TOLLIP: variants seen among roughly 807,000 people sequenced by gnomAD.
TOLLIP encodes toll interacting protein, also known as toll-interacting protein.
Under a neutral mutation model 33.5 loss-of-function variants are expected in TOLLIP, and 16 were observed. The observed-to-expected ratio is 0.48, with a 90% CI of 0.32 to 0.72. The LOEUF (loss-of-function observed/expected upper bound fraction) is 0.72, where lower values mean the gene tolerates loss of function less well. Ranked by LOEUF, TOLLIP falls within the 30% of genes least tolerant of loss-of-function variation. The probability of loss-of-function intolerance (pLI) is 0.03; values close to 1 mark genes in which losing one functional copy is unlikely to be tolerated. For synonymous variants in TOLLIP, 176 were observed against 163.7 expected, an observed-to-expected ratio of 1.07 and a Z score of -0.57; for missense variants, 325 against 396.6, an observed-to-expected ratio of 0.82 and a Z score of 1.53.
At chr11:1,286,236 C>T (rs1319166319) in intron 4 of TOLLIP, 144 bp from the exon 5 acceptor site, 7 of 645,692 alleles carry the variant, frequency 1.1e-5, no homozygotes, top group South Asian at 3.7e-5. Flanking sequence ...CCTCGCTACA[C>T]GAGCCCTGAG....
chr11:1,286,016 T>C lies in TOLLIP; in HGVS notation c.596A>G (p.Tyr199Cys), dbSNP rs757186826. Reference sequence around the variant, plus strand: ...AGCACACGCACCTGTGATGGGCACATAGCCAACGCCCTGCTGGTACACTGT... The same window carrying C: ...AGCACACGCACCTGTGATGGGCACACAGCCAACGCCCTGCTGGTACACTGT... The part of the protein sequence containing the change: ...MPTVYQQGVG[Y>C]VPITGMPAVC... The change falls in exon 5 of 6, where the codon TAT (tyrosine) becomes TGT (cysteine). Residue 199 changes from tyrosine (Y) to cysteine (C), a missense_variant. Tyr to Cys is a radical substitution (Grantham distance 194). Transcript: ENST00000317204. 12 of 1,594,596 alleles carry C rather than the reference T, an allele frequency of 7.5e-6. No homozygotes were observed. The highest frequency in any genetic ancestry group is 1.3e-5 in the African/African-American group (1 of 74,954).
At chr11:1,295,850 C>G in intron 1 of TOLLIP, 56 bp from the exon 2 acceptor site, 2 of 1,495,804 alleles carry the variant, frequency 1.3e-6, no homozygotes, top group South Asian at 2.6e-5. Flanking sequence ...ACAAAGCAGC[C>G]CGACAGCAGC....
In TOLLIP at chr11:1,303,794, G is replaced by A. The variant is rs1407807633; in HGVS notation, c.33+5672C>T. Among the ~76,000 whole-genome samples, 1 of 152,240 alleles carries A rather than the reference G, an allele frequency of 6.6e-6. No homozygotes were observed. The highest frequency in any genetic ancestry group is 1.9e-4 in the East Asian group (1 of 5,196). On this transcript the variant is annotated intron_variant, in intron 1 of 5. Transcript: ENST00000317204. The surrounding 1 kb of genome is among the most constrained non-coding windows in gnomAD (Gnocchi z 4.2). ...CTCACGCCTGTAATCCCAAAACTTTGGGAGGCTGAGGTGGGCGGATCACTT... is the reference window on the plus strand; with the variant it reads ...CTCACGCCTGTAATCCCAAAACTTTAGGAGGCTGAGGTGGGCGGATCACTT...
Position 1,303,495 on chromosome 11 carries a change from C to T in TOLLIP, c.33+5971G>A, listed in dbSNP as rs1345425036. Among the ~76,000 whole-genome samples the T allele has an allele frequency of 6.6e-6, 1 of 152,240 alleles. No homozygotes were observed. Among genetic ancestry groups the T allele is most frequent in the East Asian group, 1.9e-4 (1 of 5,192 alleles). ...TTACACGTGAGTGGAAGAAGACAAA[C>T]GGGAAGCATCATGAGTTATGCTGTA... is the stretch of plus-strand genomic sequence containing the variant. On this transcript the variant is annotated intron_variant, in intron 1 of 5. Transcript: ENST00000317204. This position sits in a 1 kb window ranked among gnomAD's most constrained non-coding sequence, Gnocchi z 4.2.
In TOLLIP at chr11:1,303,564, G is replaced by A. The variant is rs973133097; in HGVS notation, c.33+5902C>T. 4.6e-5 allele frequency among the ~76,000 whole-genome samples: 7 copies of A among 152,230 alleles called. No individual in the cohort carries two copies. The highest frequency in any genetic ancestry group is 1.4e-4 in the African/African-American group (6 of 41,466). ...CTGTGCAAAGAAACAGGGCAAGGCC[G>A]GGTGGCAGGGGCACGCTGCACTTCC... On this transcript the variant is annotated intron_variant, in intron 1 of 5. Coordinates refer to ENST00000317204, the MANE Select transcript of TOLLIP (RefSeq NM_019009.4). This position sits in a 1 kb window ranked among gnomAD's most constrained non-coding sequence, Gnocchi z 4.2.
chr11:1,282,058 C>A (rs1336551831), intron 5 of TOLLIP, among the ~76,000 whole-genome samples: 1 of 152,232 alleles, frequency 6.6e-6, no homozygotes, highest in Non-Finnish European at 1.5e-5. Context: ...CTCTACAGTA[C>A]TGCTAGGATA....
intron 4 of TOLLIP, among the ~76,000 whole-genome samples, chr11:1,286,987 T>C (rs1407873660): frequency 6.6e-6 from 1 of 151,966 alleles, no homozygotes; most frequent in Non-Finnish European, 1.5e-5. Flanking sequence ...TGCACCGCGG[T>C]TGTCTCTGAG....
At chr11:1,283,806 C>A (rs1863585585) in intron 5 of TOLLIP, among the ~76,000 whole-genome samples, 2 of 152,210 alleles carry the variant, frequency 1.3e-5, no homozygotes. Context: ...AAAAGACAGC[C>A]ACAGAGCGCC....
chr11:1,309,333 C>T lies in TOLLIP; in HGVS notation c.33+133G>A, dbSNP rs1047058597. 13 of 446,148 alleles carry T rather than the reference C, an allele frequency of 2.9e-5. No homozygotes were observed. The Admixed American group carries it at 3.0e-4, about 10-fold the overall frequency. 27.6% of individuals were successfully genotyped at this position (446,148 alleles called of 1,614,324 possible). A position where few individuals can be genotyped will look rare whatever the true frequency, so the allele number is the denominator to read the frequency against. On this transcript the variant is annotated intron_variant, in intron 1 of 5. Coordinates refer to ENST00000317204, the MANE Select transcript of TOLLIP (RefSeq NM_019009.4). ...GACGCCGCCGCTCCCCTCCGGCCGG[C>T]CAGGCGCCCCGCGTGCCCCGGGAGA...
chr11:1,292,911 A>G (rs1863996592), intron 2 of TOLLIP, among the ~76,000 whole-genome samples: 2 of 152,192 alleles, frequency 1.3e-5, no homozygotes, highest in East Asian at 1.9e-4. Context: ...CGGCCAGGGA[A>G]GAGGAAGGTC....
chr11:1,305,111 C>T (rs1206927923), intron 1 of TOLLIP, among the ~76,000 whole-genome samples: 1 of 152,214 alleles, frequency 6.6e-6, no homozygotes, highest in African/African-American at 2.4e-5. Context: ...AGGCAAGAGG[C>T]CTTTATCTTC....
intron 2 of TOLLIP, among the ~76,000 whole-genome samples, chr11:1,292,736 G>A (rs577926654): frequency 5.3e-5 from 8 of 152,368 alleles, no homozygotes; most frequent in South Asian, 4.1e-4. Flanking sequence ...AGCAGACACC[G>A]TGGGGACACA....
intron 5 of TOLLIP, among the ~76,000 whole-genome samples, chr11:1,285,782 A>C (rs1366742592): frequency 6.6e-6 from 1 of 152,156 alleles, no homozygotes; most frequent in African/African-American, 2.4e-5. Context: ...GAAAAAAAAA[A>C]AAAAAACAAT....
At position 1,302,222 on chromosome 11, in the gene TOLLIP, G is replaced by A. The variant is rs1228696408; in HGVS notation, c.34-6428C>T. Among the ~76,000 whole-genome samples the A allele has an allele frequency of 3.9e-5, 6 of 152,376 alleles. No individual in the cohort carries two copies. The South Asian group carries it at 6.2e-4, about 16-fold the overall frequency. Reference sequence around the variant, plus strand: ...GTGTGATTCACATCCAGATCCGGGCGTGCAAGAGGGCGGGAACGCGCACCA... The same window carrying A: ...GTGTGATTCACATCCAGATCCGGGCATGCAAGAGGGCGGGAACGCGCACCA... On this transcript the variant is annotated intron_variant, in intron 1 of 5. Transcript: ENST00000317204.
At position 1,277,850 on chromosome 11, in the gene TOLLIP, CA is replaced by C. The variant is rs1863360891; in HGVS notation, c.611-598del. Among the ~76,000 whole-genome samples the C allele has an allele frequency of 6.6e-6, 1 of 152,208 alleles. No individual in the cohort carries two copies. Among genetic ancestry groups the C allele is most frequent in the Non-Finnish European group, 1.5e-5 (1 of 68,042 alleles). The stretch of plus-strand genomic sequence containing the variant: ...AAGCTGCAGCCGATGCCCAGAATGA[CA>C]ACCCCACACACACATACAAACTACA... On this transcript the variant is annotated intron_variant, in intron 5 of 5. Coordinates refer to ENST00000317204, the MANE Select transcript of TOLLIP (RefSeq NM_019009.4). The surrounding 1 kb of genome is among the most constrained non-coding windows in gnomAD (Gnocchi z 4.2).
At chr11:1,304,461 TG>T (rs762911622) in intron 1 of TOLLIP, among the ~76,000 whole-genome samples, 3 of 152,134 alleles carry the variant, frequency 2.0e-5, no homozygotes. Flanking sequence ...AAACAAGCGC[TG>T]ACTCGAGAGA....
chr11:1,289,910 T>G (rs1419871055), intron 3 of TOLLIP, among the ~76,000 whole-genome samples: 1 of 147,866 alleles, frequency 6.8e-6, no homozygotes, highest in Non-Finnish European at 1.5e-5. Flanking sequence ...GTGCACGCTC[T>G]GTCCCTGGAA....
Position 1,275,036 on chromosome 11 carries a change from TTGTC to T in TOLLIP, c.*1999_*2002del, listed in dbSNP as rs1863244192. On this transcript the variant is annotated 3_prime_UTR_variant, in exon 6 of 6. Transcript: ENST00000317204. ...AATTAAAGGCCTTGCAAAATGTGATTTGTCTATTAAAAAAATAAAGCGCTTGTGA... is the reference window on the plus strand; with the variant it reads ...AATTAAAGGCCTTGCAAAATGTGATTTATTAAAAAAATAAAGCGCTTGTGA... The T allele has an allele frequency of 6.6e-6, 1 of 152,088 alleles. No homozygotes were observed. The highest frequency in any genetic ancestry group is 2.1e-4 in the South Asian group (1 of 4,808). 9.4% of individuals were successfully genotyped at this position (152,088 alleles called of 1,614,324 possible).
intron 5 of TOLLIP, among the ~76,000 whole-genome samples, 185 bp downstream of exon 5, chr11:1,285,817 A>G (rs1420997761): frequency 6.6e-6 from 1 of 152,204 alleles, no homozygotes; most frequent in Non-Finnish European, 1.5e-5. Flanking sequence ...ATGCAAACAA[A>G]ATTCAAACGT....
Sources: gnomAD v4.1 joint callset for allele counts (sites outside exome capture counted in the v4.1 genomes callset) on GRCh38, gnomAD v4.1.1 for gene constraint, Gnocchi (gnomAD v3.1) non-coding constraint, MANE v1.5 for transcripts, NCBI Gene and HGNC (gene_info 2026-07-23, HGNC 2026-07-21) for gene names.